Variants in CDC27 observed in about 807,000 individuals in gnomAD.
CDC27 encodes the protein cell division cycle 27.
CDC27 carries 27 observed loss-of-function variants against 109.7 expected under a neutral mutation model. That is an observed-to-expected ratio of 0.25 (90% CI 0.18 to 0.34). The LOEUF is 0.34. CDC27 is among the 10% of genes least tolerant of loss of function. The pLI is 1.00. For missense variants in CDC27, 579 were observed against 960.2 expected, an observed-to-expected ratio of 0.60 and a Z score of 5.25; for synonymous variants, 266 against 333.9, an observed-to-expected ratio of 0.80 and a Z score of 2.22.
chr17:47,157,082 A>C lies in CDC27; in HGVS notation c.673T>G (p.Ser225Ala), dbSNP rs775229952. ...GACACTGAGGAATCTGTATTCAAGGAGTACTTTGAATTGGAAGATTCTAAA... is the reference window on the plus strand; with the variant it reads ...GACACTGAGGAATCTGTATTCAAGGCGTACTTTGAATTGGAAGATTCTAAA... ...LNLESSNSKY[S>A]LNTDSSVSYI... is the part of the protein sequence containing the mutation. Residue 225 changes from serine (S) to alanine (A), a missense_variant, in exon 7 of 19, where the codon TCC (serine) becomes GCC (alanine). Physicochemically the swap from Ser to Ala is moderately conservative, Grantham distance 99. Transcript: ENST00000066544. 1.3e-6 allele frequency: 2 copies of C among 1,591,470 alleles called. No individual in the cohort carries two copies. The highest frequency in any genetic ancestry group is 1.7e-5 in the Admixed American group (1 of 57,156).
intron 2 of CDC27, among the ~76,000 whole-genome samples, chr17:47,174,995 A>C (rs961861700): frequency 2.1e-5 from 3 of 143,610 alleles, no homozygotes; most frequent in Admixed American, 7.1e-5. Context: ...CAGGACAGGA[A>C]AGGAAAGGAG....
intron 2 of CDC27, among the ~76,000 whole-genome samples, chr17:47,175,646 T>C (rs924872019): frequency 6.6e-6 from 1 of 152,156 alleles, no homozygotes; most frequent in Non-Finnish European, 1.5e-5. Flanking sequence ...CGAAACCCCA[T>C]CTCTACTAAA....
At position 47,120,897 on chromosome 17, in the gene CDC27, A is replaced by T. The variant is rs1371091311; in HGVS notation, c.*38T>A. On this transcript the variant is annotated 3_prime_UTR_variant, in exon 19 of 19. Transcript: ENST00000066544. ...GAGGGACAAGAAACACGTCAGCACT[A>T]GTCACACATCCAGTTGTAAAAGTCT... The T allele has an allele frequency of 1.4e-6, 2 of 1,413,948 alleles. No individual in the cohort carries two copies. The highest frequency in any genetic ancestry group is 1.7e-5 in the Admixed American group (1 of 58,758). 87.6% of individuals were successfully genotyped at this position (1,413,948 alleles called of 1,614,324 possible). A position where few individuals can be genotyped will look rare whatever the true frequency, so the allele number is the denominator to read the frequency against.
In CDC27 at chr17:47,160,639, A is replaced by G. The variant is rs549904234; in HGVS notation, c.378-2336T>C. 1.2e-4 allele frequency among the ~76,000 whole-genome samples: 18 copies of G among 152,348 alleles called. No homozygotes were observed. The East Asian group carries it at 3.1e-3, about 26-fold the overall frequency. ...CCTGGTCTGAAGTTCAAATGCTTCA[A>G]TATCAAATGGAAAAAAATTCAGAAC... On this transcript the variant is annotated intron_variant, in intron 4 of 18. Transcript: ENST00000066544.
chr17:47,188,504 A>C (rs946498088), intron 1 of CDC27, among the ~76,000 whole-genome samples: 6 of 152,162 alleles, frequency 3.9e-5, no homozygotes, highest in Non-Finnish European at 4.4e-5. Context: ...AGAGAGGATG[A>C]AAACAACCCA....
chr17:47,165,343 A>T (rs541554712), intron 4 of CDC27, among the ~76,000 whole-genome samples: 1 of 152,074 alleles, frequency 6.6e-6, no homozygotes, highest in East Asian at 1.9e-4. Context: ...GCATCCTCTC[A>T]CCAGCACTTG....
chr17:47,148,595 A>G (rs2063052505), intron 9 of CDC27, among the ~76,000 whole-genome samples: 2 of 152,222 alleles, frequency 1.3e-5, no homozygotes, highest in South Asian at 4.1e-4. Flanking sequence ...AGGCCGAGAA[A>G]CAACAAAGCT....
At chr17:47,167,998 T>C (rs924333023) in intron 4 of CDC27, among the ~76,000 whole-genome samples, 6 of 152,198 alleles carry the variant, frequency 3.9e-5, no homozygotes, top group African/African-American at 7.2e-5. Flanking sequence ...GAAGAGTGCA[T>C]AGGGCGAGGC....
rs2063706069 is a variant in CDC27, at chr17:47,168,186, C to G, written c.377+1731G>C. Among the ~76,000 whole-genome samples the G allele has an allele frequency of 5.9e-5, 9 of 152,100 alleles. 1 individual carries two copies. The South Asian group carries it at 1.9e-3, about 31-fold the overall frequency. On this transcript the variant is annotated intron_variant, in intron 4 of 18. Coordinates refer to ENST00000066544, the MANE Select transcript of CDC27 (RefSeq NM_001256.6). ...TTGGCTGTTGGTGATAATCTTATCA[C>G]CAATTTAATGGTGAAACTTAATCTT...
intron 14 of CDC27, among the ~76,000 whole-genome samples, chr17:47,133,058 C>CATAT (rs1231680471): frequency 2.3e-4 from 7 of 31,050 alleles, no homozygotes; most frequent in African/African-American, 5.6e-4. Context: ...CACACACATA[C>CATAT]ATATACACAC....
At chr17:47,132,093 A>ACTTT (rs1555783376) in intron 15 of CDC27, among the ~76,000 whole-genome samples, 164 bp downstream of exon 15, 1 of 149,688 alleles carries the variant, frequency 6.7e-6, no homozygotes. Context: ...CAATTCTGTG[A>ACTTT]TTTTTTATGC....
intron 10 of CDC27, among the ~76,000 whole-genome samples, chr17:47,142,886 G>C (rs2062840644): frequency 6.6e-6 from 1 of 152,078 alleles, no homozygotes; most frequent in African/African-American, 2.4e-5. Flanking sequence ...ACGTTGGTCA[G>C]GCTGGTCTCG....
intron 9 of CDC27, among the ~76,000 whole-genome samples, chr17:47,146,422 G>T (rs1347903212): frequency 6.6e-6 from 1 of 152,194 alleles, no homozygotes; most frequent in Non-Finnish European, 1.5e-5. Context: ...GTTAGCATCA[G>T]AATTACATTA....
Position 47,132,354 on chromosome 17 carries a change from T to C in CDC27, c.1934A>G (p.Tyr645Cys). ...AAGGCTGAATTTTTCTTGCTTGTAA[T>C]AAATCATTCCTAAACCATACCTGAA... ...YNAWYGLGMI[Y>C]YKQEKFSLAE... is the part of the protein sequence containing the mutation. The change falls in exon 15 of 19, where the codon TAT becomes TGT. Residue 645 changes from tyrosine (Y) to cysteine (C), a missense_variant. By Grantham distance (194) the Tyr-to-Cys change is radical. This residue lies in a region of CDC27 where 227 missense variants were observed against 363.6 expected (regional missense o/e 0.62). Coordinates refer to ENST00000066544, the MANE Select transcript of CDC27 (RefSeq NM_001256.6). The C allele has an allele frequency of 1.9e-6, 3 of 1,590,470 alleles. No individual in the cohort carries two copies. The highest frequency in any genetic ancestry group is 2.6e-6 in the Non-Finnish European group (3 of 1,160,700).
intron 9 of CDC27, among the ~76,000 whole-genome samples, chr17:47,149,997 C>T (rs1386864961): frequency 2.0e-5 from 3 of 151,670 alleles, no homozygotes; most frequent in Non-Finnish European, 2.9e-5. Flanking sequence ...AAAAAGACAA[C>T]TGACTGTTTA....
At chr17:47,141,315 T>A (rs906399322) in intron 12 of CDC27, among the ~76,000 whole-genome samples, 54 of 152,262 alleles carry the variant, frequency 3.5e-4, no homozygotes, top group African/African-American at 1.3e-3. Flanking sequence ...AAATTGGGAA[T>A]TAGAATTTTC....
intron 4 of CDC27, among the ~76,000 whole-genome samples, chr17:47,161,548 C>T (rs531057298): frequency 6.6e-6 from 1 of 152,086 alleles, no homozygotes; most frequent in African/African-American, 2.4e-5. Context: ...GTCAGGAGTT[C>T]GAGACCAGCC....
At chr17:47,127,975 G>T (rs930140883) in intron 16 of CDC27, among the ~76,000 whole-genome samples, 1 of 151,652 alleles carries the variant, frequency 6.6e-6, no homozygotes, top group African/African-American at 2.4e-5. Context: ...CAAAGTGACG[G>T]GATTATAGGG....
intron 9 of CDC27, among the ~76,000 whole-genome samples, chr17:47,146,019 C>T (rs1294735021): frequency 6.6e-6 from 1 of 152,152 alleles, no homozygotes; most frequent in Admixed American, 6.5e-5. Flanking sequence ...ATCAATCACA[C>T]CTACATAATT....
Sources: gnomAD v4.1 joint callset for allele counts (sites outside exome capture counted in the v4.1 genomes callset) on GRCh38, gnomAD v4.1.1 for gene constraint, gnomAD v4.1.1 regional missense constraint, MANE v1.5 for transcripts, NCBI Gene and HGNC (gene_info 2026-07-23, HGNC 2026-07-21) for gene names.